OCA2: variants seen among roughly 807,000 people sequenced by gnomAD.
OCA2 encodes the protein P protein.
In OCA2, 77 loss-of-function variants were observed where a neutral mutation model predicts 100.2. That is an observed-to-expected ratio of 0.77 (90% CI 0.64 to 0.93). The LOEUF (loss-of-function observed/expected upper bound fraction) is 0.93, where lower values mean the gene tolerates loss of function less well. Among genes scored for constraint, OCA2 ranks in the 40% least tolerant of loss-of-function variants. The pLI is 0.00. For missense variants in OCA2, 1,062 were observed against 1,089.1 expected (o/e 0.98, Z 0.35); for synonymous variants, 432 against 439.2 (o/e 0.98, Z 0.21).
chr15:28,053,724 C>T (rs2043590157), intron 2 of OCA2, among the ~76,000 whole-genome samples: 1 of 152,230 alleles, frequency 6.6e-6, no homozygotes, highest in Non-Finnish European at 1.5e-5. Context: ...CACAAGACCA[C>T]ACTCTCTGCT....
intron 4 of OCA2, 91 bp downstream of exon 4, chr15:28,027,780 T>A: frequency 7.4e-7 from 1 of 1,346,206 alleles, no homozygotes; most frequent in Non-Finnish European, 1.0e-6. Flanking sequence ...ATCCTCTTCT[T>A]CACGCTGCTG....
rs927440995 is a variant in OCA2, at chr15:27,955,839, G to T, written c.1785-624C>A. On this transcript the variant is annotated intron_variant, in intron 16 of 23. Transcript: ENST00000354638. ...CCTCCCGCCTGTTTCAGCCCCTTCAGTGGCTCCCACTTGCCTCTTCTTTTT... is the reference window on the plus strand; with the variant it reads ...CCTCCCGCCTGTTTCAGCCCCTTCATTGGCTCCCACTTGCCTCTTCTTTTT... Among the ~76,000 whole-genome samples the T allele has an allele frequency of 2.6e-5, 4 of 152,188 alleles. No individual in the cohort carries two copies. In the East Asian group the frequency reaches 7.8e-4, roughly 30 times the overall value.
At chr15:27,865,429 G>A (rs1291521638) in intron 21 of OCA2, among the ~76,000 whole-genome samples, 1 of 152,338 alleles carries the variant, frequency 6.6e-6, no homozygotes, top group South Asian at 2.1e-4. Flanking sequence ...AGAGGCTGGC[G>A]AGGAGGCAGG....
At chr15:27,833,667 G>T (rs1194213133) in intron 23 of OCA2, among the ~76,000 whole-genome samples, 1 of 152,196 alleles carries the variant, frequency 6.6e-6, no homozygotes. Flanking sequence ...TAGGCCACAA[G>T]TGGTTCCAAT....
chr15:27,904,927 G>A (rs2038112036), intron 19 of OCA2, among the ~76,000 whole-genome samples: 1 of 152,202 alleles, frequency 6.6e-6, no homozygotes, highest in South Asian at 2.1e-4. Context: ...ACTTTGGGAG[G>A]CCAAGGCAGG....
At chr15:28,066,613 C>T (rs2044032401) in intron 2 of OCA2, among the ~76,000 whole-genome samples, 1 of 152,084 alleles carries the variant, frequency 6.6e-6, no homozygotes, top group Non-Finnish European at 1.5e-5. Flanking sequence ...AAGTATTTTG[C>T]CCCAAAATAT....
chr15:28,011,610 C>T (rs181636173), intron 9 of OCA2, among the ~76,000 whole-genome samples: 51 of 152,038 alleles, frequency 3.4e-4, no homozygotes, highest in Middle Eastern at 3.4e-3. Context: ...ACACCCAAAC[C>T]GCAATCTATA....
chr15:28,041,156 T>C (rs1263469760), intron 2 of OCA2, among the ~76,000 whole-genome samples: 1 of 152,058 alleles, frequency 6.6e-6, no homozygotes, highest in Non-Finnish European at 1.5e-5. Context: ...ATTAAAAGTA[T>C]TATACACCAT....
intron 14 of OCA2, among the ~76,000 whole-genome samples, chr15:27,967,693 C>G (rs577429232): frequency 6.6e-6 from 1 of 152,242 alleles, no homozygotes; most frequent in Non-Finnish European, 1.5e-5. Context: ...GGGACTCAAG[C>G]AGGAACCTCT....
At chr15:27,861,226 C>T (rs1368649784) in intron 21 of OCA2, among the ~76,000 whole-genome samples, 1 of 152,170 alleles carries the variant, frequency 6.6e-6, no homozygotes, top group Non-Finnish European at 1.5e-5. Context: ...CTCTCAGCCT[C>T]AGGGGCTTGA....
intron 23 of OCA2, among the ~76,000 whole-genome samples, chr15:27,797,958 G>A (rs548012899): frequency 5.3e-5 from 8 of 152,306 alleles, no homozygotes; most frequent in South Asian, 2.1e-4. Flanking sequence ...CACTCTACCC[G>A]GGAGCTGACC....
intron 18 of OCA2, among the ~76,000 whole-genome samples, chr15:27,945,142 A>G (rs1292422898): frequency 6.6e-6 from 1 of 152,206 alleles, no homozygotes; most frequent in Non-Finnish European, 1.5e-5. Flanking sequence ...ACTAGAGTGC[A>G]TAGAACATAT....
intron 19 of OCA2, among the ~76,000 whole-genome samples, chr15:27,883,020 G>A (rs555237083): frequency 6.6e-6 from 1 of 152,310 alleles, no homozygotes; most frequent in African/African-American, 2.4e-5. Context: ...AGATGGTGTT[G>A]TTCTGAAATT....
At chr15:28,060,978 A>G (rs1345009836) in intron 2 of OCA2, among the ~76,000 whole-genome samples, 2 of 152,248 alleles carry the variant, frequency 1.3e-5, no homozygotes, top group African/African-American at 4.8e-5. Context: ...GCCACAAACA[A>G]TGAGCAGCAA....
intron 1 of OCA2, among the ~76,000 whole-genome samples, chr15:28,082,136 ACT>A (rs1480435344): frequency 2.6e-5 from 4 of 152,246 alleles, no homozygotes; most frequent in African/African-American, 4.8e-5. Context: ...ACCAATCAGC[ACT>A]CTGTGTCTAG....
chr15:27,890,726 A>G (rs2037421644), intron 19 of OCA2, among the ~76,000 whole-genome samples: 1 of 152,202 alleles, frequency 6.6e-6, no homozygotes, highest in Non-Finnish European at 1.5e-5. Flanking sequence ...AAGATAAAGA[A>G]AATTACAAAA....
chr15:27,806,712 C>T (rs1051554360), intron 23 of OCA2, among the ~76,000 whole-genome samples: 1 of 152,266 alleles, frequency 6.6e-6, no homozygotes, highest in Non-Finnish European at 1.5e-5. Context: ...GTCAAAAAGG[C>T]TGCCCTGTGG....
At chr15:27,891,552 T>C (rs574038101) in intron 19 of OCA2, among the ~76,000 whole-genome samples, 1 of 152,232 alleles carries the variant, frequency 6.6e-6, no homozygotes, top group Admixed American at 6.5e-5. Context: ...CACATTCTTC[T>C]GTATACTTTA....
Position 28,091,815 on chromosome 15 carries a change from G to A in OCA2, c.-22+7409C>T, listed in dbSNP as rs190510102. Among the ~76,000 whole-genome samples the A allele has an allele frequency of 4.3e-4, 66 of 152,246 alleles. 1 individual carries two copies. The highest frequency in any genetic ancestry group is 1.5e-3 in the African/African-American group (64 of 41,544). On this transcript the variant is annotated intron_variant, in intron 1 of 23. Transcript: ENST00000354638. ...TACTAAAAATACAGAAATTAGCCAG[G>A]CATGGTGATGGGCACCTGTAACCCC... is the stretch of plus-strand genomic sequence containing the variant.
Sources: gnomAD v4.1 joint callset for allele counts (sites outside exome capture counted in the v4.1 genomes callset) on GRCh38, gnomAD v4.1.1 for gene constraint, MANE v1.5 for transcripts, NCBI Gene and HGNC (gene_info 2026-07-23, HGNC 2026-07-21) for gene names.